The following TMPRSS11E variants were observed in gnomAD, a reference collection of about 807,000 sequenced individuals.
The protein encoded by TMPRSS11E is transmembrane serine protease 11E.
Under a neutral mutation model 48.1 loss-of-function variants are expected in TMPRSS11E, and 38 were observed. The observed-to-expected ratio is 0.79, with a 90% confidence interval of 0.61 to 1.04. TMPRSS11E has a LOEUF of 1.04. TMPRSS11E is among the 50% of genes least tolerant of loss of function. The pLI is 0.00. For missense variants in TMPRSS11E, 530 were observed against 510.8 expected, an observed-to-expected ratio of 1.04 and a Z score of -0.36; for synonymous variants, 158 against 171.9, an observed-to-expected ratio of 0.92 and a Z score of 0.63.
intron 9 of TMPRSS11E, among the ~76,000 whole-genome samples, chr4:68,492,419 A>C (rs756600712): frequency 3.0e-4 from 45 of 152,140 alleles, no homozygotes; most frequent in African/African-American, 1.0e-3. Flanking sequence ...TTTTTGTTTC[A>C]GTTCTCATTC....
intron 9 of TMPRSS11E, among the ~76,000 whole-genome samples, chr4:68,479,299 A>G (rs1057267146): frequency 5.3e-5 from 8 of 152,010 alleles, no homozygotes; most frequent in Non-Finnish European, 1.0e-4. Flanking sequence ...TCCTCCTACT[A>G]TCCCTAACAT....
At position 68,496,743 on chromosome 4, in the gene TMPRSS11E, C is replaced by T; in HGVS notation, c.1211C>T (p.Pro404Leu). ...GATGAATGTGCGAAACCCAACAAGCCTGGTGTTTATACTAGAGTTACGGCC... is the reference window on the plus strand; with the variant it reads ...GATGAATGTGCGAAACCCAACAAGCTTGGTGTTTATACTAGAGTTACGGCC... ...WGDECAKPNK[P>L]GVYTRVTALR... The change falls in exon 10 of 10, where the codon CCT becomes CTT. Residue 404 changes from proline (P) to leucine (L), a missense_variant. Transcript: ENST00000305363. 2 of 1,613,616 alleles carry T rather than the reference C, an allele frequency of 1.2e-6. No homozygotes were observed. Among genetic ancestry groups the T allele is most frequent in the Non-Finnish European group, 8.5e-7 (1 of 1,179,676 alleles).
At chr4:68,484,833 T>C (rs938535981) in intron 9 of TMPRSS11E, among the ~76,000 whole-genome samples, 4 of 152,218 alleles carry the variant, frequency 2.6e-5, no homozygotes, top group Non-Finnish European at 5.9e-5. Flanking sequence ...GTTTATCAGT[T>C]CTAGGAGCCT....
intron 9 of TMPRSS11E, among the ~76,000 whole-genome samples, chr4:68,483,699 G>A (rs1029000464): frequency 2.6e-5 from 4 of 152,110 alleles, no homozygotes; most frequent in Non-Finnish European, 5.9e-5. Flanking sequence ...TGTTATAAAA[G>A]CTTTGCTAAG....
intron 1 of TMPRSS11E, 27 bp from the exon 2 acceptor site, chr4:68,461,794 A>T (rs796065412): frequency 6.2e-6 from 10 of 1,613,890 alleles, no homozygotes; most frequent in East Asian, 4.5e-5. Context: ...GCTCTGAAAT[A>T]ATCTATCTAT....
chr4:68,483,995 G>A (rs1729482477), intron 9 of TMPRSS11E, among the ~76,000 whole-genome samples: 1 of 151,994 alleles, frequency 6.6e-6, no homozygotes, highest in Admixed American at 6.6e-5. Flanking sequence ...TGATCTATGT[G>A]TCTACTTTTT....
chr4:68,467,794 T>C (rs1490436582), intron 3 of TMPRSS11E, among the ~76,000 whole-genome samples: 1 of 152,172 alleles, frequency 6.6e-6, no homozygotes, highest in Non-Finnish European at 1.5e-5. Flanking sequence ...GACCAGGCTC[T>C]TCTCTAAGGC....
Position 68,474,669 on chromosome 4 carries a change from G to A in TMPRSS11E, c.491-54G>A, listed in dbSNP as rs1298666764. On this transcript the variant is annotated intron_variant, in intron 5 of 9. Transcript: ENST00000305363. ...CCTTTTAGTATTTGAAATACTCGGA[G>A]GCATAGTGTAACTCTGATGTGCTGA... 4 of 1,523,396 alleles carry A rather than the reference G, an allele frequency of 2.6e-6. No individual in the cohort carries two copies. The South Asian group carries it at 3.6e-5, about 14-fold the overall frequency. 94.4% of individuals were successfully genotyped at this position (1,523,396 alleles called of 1,614,324 possible).
At chr4:68,451,474 G>A (rs1291109845) in intron 1 of TMPRSS11E, among the ~76,000 whole-genome samples, 1 of 151,760 alleles carries the variant, frequency 6.6e-6, no homozygotes, top group Non-Finnish European at 1.5e-5. Context: ...TTTTAGAATT[G>A]CAATTCTAAG....
At chr4:68,455,938 T>C (rs1728617391) in intron 1 of TMPRSS11E, among the ~76,000 whole-genome samples, 1 of 152,008 alleles carries the variant, frequency 6.6e-6, no homozygotes, top group African/African-American at 2.4e-5. Context: ...CCATAACTAA[T>C]TACTTAATAA....
intron 1 of TMPRSS11E, among the ~76,000 whole-genome samples, chr4:68,452,374 C>T (rs942079399): frequency 6.6e-6 from 1 of 151,866 alleles, no homozygotes; most frequent in African/African-American, 2.4e-5. Context: ...GGGTACATAT[C>T]GTAACAATAA....
chr4:68,465,715 C>T (rs1472956733), intron 2 of TMPRSS11E, among the ~76,000 whole-genome samples: 2 of 152,058 alleles, frequency 1.3e-5, no homozygotes, highest in African/African-American at 2.4e-5. Flanking sequence ...AGGAGAGAGA[C>T]TGTGACTGGA....
At chr4:68,457,011 T>C (rs1465352951) in intron 1 of TMPRSS11E, among the ~76,000 whole-genome samples, 1 of 152,100 alleles carries the variant, frequency 6.6e-6, no homozygotes, top group Middle Eastern at 3.2e-3. Flanking sequence ...ACTTCATGAC[T>C]AAAACACCAA....
Position 68,471,441 on chromosome 4 carries a change from C to A in TMPRSS11E, c.327-19C>A. 1 of 1,038,700 alleles carries A rather than the reference C, an allele frequency of 9.6e-7. No homozygotes were observed. The highest frequency in any genetic ancestry group is 2.8e-5 in the South Asian group (1 of 35,372). 64.3% of individuals were successfully genotyped at this position (1,038,700 alleles called of 1,614,324 possible). A position where few individuals can be genotyped will look rare whatever the true frequency, so the allele number is the denominator to read the frequency against. On this transcript the variant is annotated intron_variant, in intron 4 of 9. Transcript: ENST00000305363. ...TCTTTTCTTTTCTTTCTTTCATTTT[C>A]TTCTTTTTTGGCCCACAGTCAACAG...
intron 9 of TMPRSS11E, among the ~76,000 whole-genome samples, chr4:68,487,682 T>C (rs1251895851): frequency 6.6e-6 from 1 of 152,144 alleles, no homozygotes; most frequent in Non-Finnish European, 1.5e-5. Flanking sequence ...CTTATGAAGC[T>C]TAGTTTGGCT....
At chr4:68,461,685 C>A (rs1032362528) in intron 1 of TMPRSS11E, 136 bp from the exon 2 acceptor site, 3 of 1,353,750 alleles carry the variant, frequency 2.2e-6, no homozygotes, top group Non-Finnish European at 3.1e-6. Flanking sequence ...AGCCTGGAAC[C>A]AGGGTGTGCT....
intron 1 of TMPRSS11E, among the ~76,000 whole-genome samples, chr4:68,449,569 A>G (rs912790871): frequency 6.6e-6 from 1 of 151,840 alleles, no homozygotes; most frequent in Non-Finnish European, 1.5e-5. Context: ...AGACCCCTGC[A>G]TTACAGTGCT....
chr4:68,496,664 G>T lies in TMPRSS11E; in HGVS notation c.1132G>T (p.Val378Phe). ...TTAGGGTGACTCTGGAGGACCACTGGTTAGTTCAGATGCTAGAGATATCTG... is the reference window on the plus strand; with the variant it reads ...TTAGGGTGACTCTGGAGGACCACTGTTTAGTTCAGATGCTAGAGATATCTG... ...ACQGDSGGPL[V>F]SSDARDIWYL... Residue 378 changes from valine to phenylalanine, a missense_variant, in exon 10 of 10, where the codon GTT becomes TTT. Coordinates refer to ENST00000305363, the MANE Select transcript of TMPRSS11E (RefSeq NM_014058.4). 1 of 1,613,188 alleles carries T rather than the reference G, an allele frequency of 6.2e-7. No individual in the cohort carries two copies. Among genetic ancestry groups the T allele is most frequent in the Non-Finnish European group, 8.5e-7 (1 of 1,179,476 alleles).
intron 1 of TMPRSS11E, among the ~76,000 whole-genome samples, chr4:68,459,718 TAACA>T (rs1481052482): frequency 1.3e-5 from 2 of 152,246 alleles, no homozygotes; most frequent in African/African-American, 2.4e-5. Flanking sequence ...CAATTCTATA[TAACA>T]ATCATATACT....
Sources: gnomAD v4.1 joint callset for allele counts (sites outside exome capture counted in the v4.1 genomes callset) on GRCh38, gnomAD v4.1.1 for gene constraint, MANE v1.5 for transcripts, NCBI Gene and HGNC (gene_info 2026-07-23, HGNC 2026-07-21) for gene names.